Variants in SNX25 observed in about 807,000 individuals in gnomAD.
SNX25 encodes the protein sorting nexin 25.
SNX25 carries 62 observed loss-of-function variants against 113.7 expected under a neutral mutation model. That is an observed-to-expected ratio of 0.55 (90% CI 0.44 to 0.67). The LOEUF (loss-of-function observed/expected upper bound fraction) is 0.67. SNX25 is among the 30% of genes least tolerant of loss of function. The probability of loss-of-function intolerance (pLI) is 0.00; values close to 1 mark genes in which losing one functional copy is unlikely to be tolerated. For synonymous variants in SNX25, 421 were observed against 436.2 expected (o/e 0.97, Z 0.43); for missense variants, 1,014 against 1,161.0 (o/e 0.87, Z 1.84).
At chr4:185,256,465 GA>G (rs1182091322) in intron 2 of SNX25, among the ~76,000 whole-genome samples, 1 of 151,972 alleles carries the variant, frequency 6.6e-6, no homozygotes, top group Non-Finnish European at 1.5e-5. Flanking sequence ...TTTCAACCAT[GA>G]AAAAAGCCAT....
intron 1 of SNX25, among the ~76,000 whole-genome samples, chr4:185,236,151 TA>T (rs1742596346): frequency 6.6e-6 from 1 of 152,236 alleles, no homozygotes; most frequent in Non-Finnish European, 1.5e-5. Flanking sequence ...TGCCTCAGGG[TA>T]AGAGAATTAG....
intron 1 of SNX25, among the ~76,000 whole-genome samples, chr4:185,219,706 A>C (rs1169523743): frequency 1.3e-5 from 2 of 152,174 alleles, no homozygotes; most frequent in African/African-American, 4.8e-5. Context: ...TGCTGGGATC[A>C]AGCCAGGACT....
In SNX25 at chr4:185,210,618, G is replaced by A. The variant is rs1396409034; in HGVS notation, c.429+363G>A. ...ACAGCGTTCGCTACGTGCAGGCTCT[G>A]CGCACGGTCCTGGCGATCCGCTTGG... On this transcript the variant is annotated intron_variant, in intron 1 of 18. Transcript: ENST00000652585. The surrounding 1 kb of genome is among the most constrained non-coding windows in gnomAD (Gnocchi z 4.4). Among the ~76,000 whole-genome samples the A allele has an allele frequency of 6.6e-6, 1 of 152,096 alleles. No homozygotes were observed. Among genetic ancestry groups the A allele is most frequent in the Non-Finnish European group, 1.5e-5 (1 of 68,030 alleles).
Position 185,323,589 on chromosome 4 carries a change from T to C in SNX25, c.1538T>C (p.Ile513Thr), listed in dbSNP as rs1457522064. 3.7e-6 allele frequency: 6 copies of C among 1,613,266 alleles called. No individual in the cohort carries two copies. The African/African-American group carries it at 4.0e-5, about 11-fold the overall frequency. The change falls in exon 9 of 19, where the codon ATA (isoleucine) becomes ACA (threonine). Residue 513 changes from isoleucine (I) to threonine (T), a missense_variant. Coordinates refer to ENST00000652585, the MANE Select transcript of SNX25 (RefSeq NM_001378034.2). ...AATTTCTTTGTGGAGAGCAAAGAAA[T>C]ATCTGTGGAAAAATCACTTTACAAA... ...YQNFFVESKE[I>T]SVEKSLYKEI...
chr4:185,309,917 T>C (rs1467993702), intron 6 of SNX25, among the ~76,000 whole-genome samples: 2 of 152,256 alleles, frequency 1.3e-5, no homozygotes, highest in Non-Finnish European at 2.9e-5. Context: ...ACCTCATGGC[T>C]TCTGCCAGCA....
Position 185,361,907 on chromosome 4 carries a change from T to A in SNX25, c.2652-17T>A. On this transcript the variant is annotated splice_polypyrimidine_tract_variant and intron_variant, in intron 16 of 18. Coordinates refer to ENST00000652585, the MANE Select transcript of SNX25 (RefSeq NM_001378034.2). ...ATTTTTAAAAACCTCATCCAAGAAA[T>A]CTTTTTCTCTTAAAAGACAAATCCG... 1.9e-6 allele frequency: 3 copies of A among 1,610,862 alleles called. No homozygotes were observed. The highest frequency in any genetic ancestry group is 2.5e-6 in the Non-Finnish European group (3 of 1,178,286).
chr4:185,357,373 G>A (rs1364574914), intron 15 of SNX25, among the ~76,000 whole-genome samples: 1 of 152,178 alleles, frequency 6.6e-6, no homozygotes, highest in African/African-American at 2.4e-5. Flanking sequence ...AAACAGACAC[G>A]TTGTCAATAG....
intron 6 of SNX25, among the ~76,000 whole-genome samples, chr4:185,300,840 G>GACACACACACACACAC (rs58762122): frequency 0.052 from 7,285 of 140,630 alleles, 314 homozygotes; most frequent in African/African-American, 0.094. Flanking sequence ...TGATTATTAT[G>GACACACACACACACAC]ACACACACAC....
chr4:185,316,636 G>T (rs1337336505), intron 7 of SNX25, among the ~76,000 whole-genome samples: 1 of 152,190 alleles, frequency 6.6e-6, no homozygotes. Context: ...GCAATAAATG[G>T]CAGATCTTTT....
chr4:185,276,867 G>A (rs1010344990), intron 5 of SNX25, among the ~76,000 whole-genome samples: 14 of 152,138 alleles, frequency 9.2e-5, no homozygotes, highest in Admixed American at 4.6e-4. Context: ...AAGAAAGGCT[G>A]TGCTTCTCCA....
upstream of SNX25, among the ~76,000 whole-genome samples, chr4:185,206,675 A>G (rs928716116): frequency 2.6e-5 from 4 of 151,306 alleles, no homozygotes; most frequent in Non-Finnish European, 5.9e-5. Context: ...AAAAAAAAAA[A>G]AAAAAAAGAA....
At position 185,357,873 on chromosome 4, in the gene SNX25, T is replaced by C. The variant is rs2126753908; in HGVS notation, c.2651+136T>C. ...TCTCACTTTTCGTTTCTGATATGAT[T>C]CTAAGATTGGATAGGAGAGTCGATT... On this transcript the variant is annotated intron_variant, in intron 16 of 18. Transcript: ENST00000652585. 4.1e-6 allele frequency: 3 copies of C among 731,250 alleles called. No individual in the cohort carries two copies. The South Asian group carries it at 5.1e-5, about 12-fold the overall frequency. The allele number at this position is 731,250 out of a possible 1,614,324, so 45.3% of individuals were successfully genotyped here.
chr4:185,251,161 A>C (rs1745576451), intron 2 of SNX25, among the ~76,000 whole-genome samples: 1 of 151,868 alleles, frequency 6.6e-6, no homozygotes. Context: ...TGCCCAGCTA[A>C]TTTTTGTATT....
intron 7 of SNX25, among the ~76,000 whole-genome samples, chr4:185,320,223 G>A (rs2095108908): frequency 6.6e-6 from 1 of 152,124 alleles, no homozygotes; most frequent in Admixed American, 6.5e-5. Flanking sequence ...CATGGAAGCA[G>A]CCCAAATGCC....
chr4:185,257,769 G>T (rs1746668671), intron 2 of SNX25, among the ~76,000 whole-genome samples: 1 of 151,932 alleles, frequency 6.6e-6, no homozygotes, highest in Non-Finnish European at 1.5e-5. Context: ...GATAGCACTG[G>T]TCTATGGCTA....
chr4:185,320,404 C>T (rs370574748), intron 7 of SNX25, among the ~76,000 whole-genome samples: 2 of 152,162 alleles, frequency 1.3e-5, no homozygotes, highest in South Asian at 2.1e-4. Flanking sequence ...CATGTTCTCA[C>T]TCGTAAGTGG....
intron 11 of SNX25, among the ~76,000 whole-genome samples, chr4:185,369,092 A>C (rs6851813): frequency 0.39 from 57,770 of 150,006 alleles, 13,462 homozygotes; most frequent in African/African-American, 0.67. Flanking sequence ...CGGTACCTGG[A>C]CTTTTTTTGT....
chr4:185,365,225 A>G (rs1404125319), downstream of SNX25: 1 of 152,228 alleles, frequency 6.6e-6, no homozygotes, highest in Non-Finnish European at 1.5e-5. Context: ...TATAGAAGAC[A>G]TATAAGCATA....
chr4:185,317,627 A>G (rs772215195), intron 7 of SNX25, among the ~76,000 whole-genome samples: 1 of 152,194 alleles, frequency 6.6e-6, no homozygotes, highest in Non-Finnish European at 1.5e-5. Context: ...TACACCATGG[A>G]GTACTATGCA....
Sources: allele counts gnomAD v4.1 joint callset (sites outside exome capture counted in the v4.1 genomes callset), GRCh38; gene constraint gnomAD v4.1.1; non-coding constraint Gnocchi (gnomAD v3.1); transcripts MANE v1.5; gene names NCBI Gene and HGNC (gene_info 2026-07-23, HGNC 2026-07-21).